SENP7: variants seen among roughly 807,000 people sequenced by gnomAD.
SENP7 encodes the protein SUMO specific peptidase 7, also known as sentrin-specific protease 7.
A neutral mutation model predicts 141.2 loss-of-function variants in SENP7; 64 were observed. The ratio of observed to expected loss-of-function variants is 0.45; its 90% CI spans 0.37 to 0.56. The LOEUF is 0.56. Among genes scored for constraint, SENP7 ranks in the 20% least tolerant of loss-of-function variants. The probability of loss-of-function intolerance (pLI) is 0.00; values close to 1 mark genes in which losing one functional copy is unlikely to be tolerated. For missense variants in SENP7, 1,025 were observed against 1,212.2 expected, an observed-to-expected ratio of 0.85 and a Z score of 2.29; for synonymous variants, 382 against 426.4, an observed-to-expected ratio of 0.90 and a Z score of 1.28.
At chr3:101,398,604 T>C (rs1018187762) in intron 6 of SENP7, among the ~76,000 whole-genome samples, 4 of 152,148 alleles carry the variant, frequency 2.6e-5, no homozygotes, top group African/African-American at 9.7e-5. Context: ...GATACTGAAA[T>C]AGGTTACCAG....
chr3:101,498,470 G>A (rs2108138967), intron 2 of SENP7, among the ~76,000 whole-genome samples: 2 of 152,156 alleles, frequency 1.3e-5, no homozygotes, highest in Admixed American at 1.3e-4. Flanking sequence ...ATCTAATCTT[G>A]AGAAACCTGA....
At chr3:101,358,345 A>T (rs116589706) in intron 11 of SENP7, 13,649 of 667,904 alleles carry the variant, frequency 0.02, 202 homozygotes, top group Non-Finnish European at 0.026. Flanking sequence ...AAACCTACAG[A>T]GTCAATAATG....
At chr3:101,434,887 AGAG>A (rs1393450847) in intron 4 of SENP7, among the ~76,000 whole-genome samples, 1 of 152,144 alleles carries the variant, frequency 6.6e-6, no homozygotes, top group Non-Finnish European at 1.5e-5. Flanking sequence ...TCTGAAAAAG[AGAG>A]GAGGAGGGAA....
At chr3:101,453,329 C>A (rs1215986374) in intron 4 of SENP7, among the ~76,000 whole-genome samples, 2 of 152,154 alleles carry the variant, frequency 1.3e-5, no homozygotes, top group African/African-American at 2.4e-5. Flanking sequence ...GGATCTAGAA[C>A]AAGAAATACC....
intron 1 of SENP7, among the ~76,000 whole-genome samples, chr3:101,506,635 C>A (rs1285881566): frequency 2.0e-5 from 3 of 152,100 alleles, no homozygotes; most frequent in Admixed American, 2.0e-4. Flanking sequence ...ACTCAGCAAG[C>A]TAGAATATAT....
chr3:101,331,667 C>A (rs2059058647), intron 19 of SENP7, among the ~76,000 whole-genome samples: 1 of 151,874 alleles, frequency 6.6e-6, no homozygotes, highest in Admixed American at 6.6e-5. Flanking sequence ...ATTATTATAT[C>A]AGAAAAGTTT....
chr3:101,443,025 A>G (rs943519215), intron 4 of SENP7, among the ~76,000 whole-genome samples: 2 of 152,226 alleles, frequency 1.3e-5, no homozygotes, highest in South Asian at 4.1e-4. Context: ...GTCCCTGCCC[A>G]TGCCTATGTC....
intron 1 of SENP7, among the ~76,000 whole-genome samples, chr3:101,509,263 T>C (rs1331862663): frequency 6.6e-6 from 1 of 152,060 alleles, no homozygotes; most frequent in Admixed American, 6.6e-5. Flanking sequence ...TCCCATCTCA[T>C]TTTCCCAGCT....
At chr3:101,467,101 C>T (rs1003142955) in intron 3 of SENP7, among the ~76,000 whole-genome samples, 1 of 152,214 alleles carries the variant, frequency 6.6e-6, no homozygotes, top group Admixed American at 6.5e-5. Flanking sequence ...ACTCTGAGAT[C>T]AAACTGCAAG....
intron 16 of SENP7, among the ~76,000 whole-genome samples, 155 bp from the exon 17 acceptor site, chr3:101,337,786 G>A (rs1053692563): frequency 1.3e-5 from 2 of 152,162 alleles, no homozygotes; most frequent in African/African-American, 2.4e-5. Context: ...AGTTTGGTTA[G>A]TTACCTAGCC....
intron 14 of SENP7, 114 bp downstream of exon 14, chr3:101,343,571 GT>G: frequency 1.0e-6 from 1 of 981,084 alleles, no homozygotes; most frequent in Non-Finnish European, 1.5e-6. Context: ...GTTCTTTTGG[GT>G]TGGTTCCTAT....
At chr3:101,332,209 T>C in intron 18 of SENP7, 100 bp from the exon 19 acceptor site, 1 of 1,221,596 alleles carries the variant, frequency 8.2e-7, no homozygotes, top group Non-Finnish European at 1.1e-6. Flanking sequence ...AATTTCATAT[T>C]AATTTTGAAG....
rs767226656 is a variant in SENP7 at position 101,380,443 on chromosome 3, C to CACACACA, written c.678-8318_678-8317insTGTGTGT. Reference sequence around the variant, plus strand: ...ACGTAAAGCAAACCACCGCCCCCCCCCCCACACACACACACAAAACAAAAC... The same window carrying CACACACA: ...ACGTAAAGCAAACCACCGCCCCCCCCACACACACCCACACACACACACAAAACAAAAC... On this transcript the variant is annotated intron_variant, in intron 6 of 23. Transcript: ENST00000394095. 1.9e-3 allele frequency among the ~76,000 whole-genome samples: 180 copies of CACACACA among 94,242 alleles called. 2 individuals carry two copies. The highest frequency in any genetic ancestry group is 0.018 in the East Asian group (47 of 2,648). 61.8% of individuals were successfully genotyped at this position (94,242 alleles called of 152,430 possible).
intron 3 of SENP7, among the ~76,000 whole-genome samples, chr3:101,470,319 C>T (rs1227759539): frequency 6.6e-6 from 1 of 152,194 alleles, no homozygotes; most frequent in Non-Finnish European, 1.5e-5. Context: ...ATCAAGTCGG[C>T]TTCATCCCTG....
intron 3 of SENP7, among the ~76,000 whole-genome samples, chr3:101,477,136 G>A (rs2108007520): frequency 6.6e-6 from 1 of 152,124 alleles, no homozygotes; most frequent in African/African-American, 2.4e-5. Flanking sequence ...GGCTTTTGTT[G>A]CAATAGCTTT....
At chr3:101,391,997 A>G (rs2060829901) in intron 6 of SENP7, among the ~76,000 whole-genome samples, 2 of 152,220 alleles carry the variant, frequency 1.3e-5, no homozygotes, top group Admixed American at 1.3e-4. Flanking sequence ...ATGCAAAAAA[A>G]GCATTTGATA....
At chr3:101,426,608 T>C (rs1301040292) in intron 4 of SENP7, among the ~76,000 whole-genome samples, 1 of 151,666 alleles carries the variant, frequency 6.6e-6, no homozygotes, top group Non-Finnish European at 1.5e-5. Flanking sequence ...GCCTCCCGAG[T>C]AGCTGGGATT....
intron 3 of SENP7, among the ~76,000 whole-genome samples, chr3:101,491,958 G>C (rs1171022758): frequency 6.6e-6 from 1 of 152,184 alleles, no homozygotes; most frequent in Non-Finnish European, 1.5e-5. Context: ...CGGGCGTGGT[G>C]GCACATGCCA....
chr3:101,360,704 T>C (rs2059872701), intron 11 of SENP7, among the ~76,000 whole-genome samples: 1 of 152,182 alleles, frequency 6.6e-6, no homozygotes, highest in Admixed American at 6.5e-5. Context: ...AAAAGGTTAA[T>C]GGAGAAGTTT....
Sources: allele counts gnomAD v4.1 joint callset (sites outside exome capture counted in the v4.1 genomes callset), GRCh38; gene constraint gnomAD v4.1.1; transcripts MANE v1.5; gene names NCBI Gene and HGNC (gene_info 2026-07-23, HGNC 2026-07-21).